Variants in TBCD observed in about 807,000 individuals in gnomAD.
TBCD encodes the protein tubulin folding cofactor D, also known as tubulin-specific chaperone D.
A neutral mutation model predicts 169.3 loss-of-function variants in TBCD; 105 were observed. That is an observed-to-expected ratio of 0.62 (90% CI 0.53 to 0.73). TBCD has a LOEUF of 0.73. Among genes scored for constraint, TBCD ranks in the 30% least tolerant of loss-of-function variants. The pLI is 0.00. For missense variants in TBCD, 1,444 were observed against 1,600.1 expected, an observed-to-expected ratio of 0.90 and a Z score of 1.66; for synonymous variants, 700 against 643.9, an observed-to-expected ratio of 1.09 and a Z score of -1.32.
rs2061497161 is a variant in TBCD at position 82,922,809 on chromosome 17, C to T, written c.2179-843C>T. 6.6e-6 allele frequency among the ~76,000 whole-genome samples: 1 copy of T among 152,310 alleles called. No homozygotes were observed. Among genetic ancestry groups the T allele is most frequent in the South Asian group, 2.1e-4 (1 of 4,820 alleles). ...TCTGTTGGCCTCGGCTCCTGGGCTT[C>T]GGGGGAGCGGTGGAAAGAACACGTG... is the stretch of plus-strand genomic sequence containing the variant. On this transcript the variant is annotated intron_variant, in intron 25 of 38. Coordinates refer to ENST00000355528, the MANE Select transcript of TBCD (RefSeq NM_005993.5). The surrounding 1 kb of genome is among the most constrained non-coding windows in gnomAD (Gnocchi z 4.1).
Position 82,929,478 on chromosome 17 carries a change from TG to T in TBCD, c.2972del (p.Gly991AlafsTer3). The T allele has an allele frequency of 6.2e-7, 1 of 1,608,702 alleles. No homozygotes were observed. ...YHVLLGLVVS[L>X]GGLTESTIRH... ...GTCCTGCTGGGGCTAGTCGTGTCCC[TG>T]GGCGGCTTGACGGAGTCGACGGTGA... is the stretch of plus-strand genomic sequence containing the variant. On this transcript the variant is annotated frameshift_variant, in exon 32 of 39. Coordinates refer to ENST00000355528, the MANE Select transcript of TBCD (RefSeq NM_005993.5). LOFTEE classifies it high-confidence loss of function.
In TBCD at chr17:82,768,620, G is replaced by A. The variant is rs1388347598; in HGVS notation, c.582+54G>A. On this transcript the variant is annotated intron_variant, in intron 5 of 38. Transcript: ENST00000355528. ...AATTAGTACTCACTTTCATGTTCAT[G>A]CTGTCTTGATGTTAGTGGTTTACTC... The A allele has an allele frequency of 3.1e-6, 5 of 1,590,794 alleles. No homozygotes were observed. The Admixed American group carries it at 8.5e-5, about 27-fold the overall frequency.
intron 15 of TBCD, chr17:82,886,414 A>T (rs2058709828): frequency 6.6e-6 from 1 of 151,922 alleles, no homozygotes; most frequent in Non-Finnish European, 1.5e-5. Flanking sequence ...CCGGCGGGGA[A>T]GGAATGGGCA....
At position 82,805,986 on chromosome 17, in the gene TBCD, C is replaced by T. The variant is rs752698607; in HGVS notation, c.1062C>T (p.Val354=). The change falls in exon 10 of 39, where the codon GTC becomes GTT. Residue 354 remains valine (V), a synonymous_variant. Coordinates refer to ENST00000355528, the MANE Select transcript of TBCD (RefSeq NM_005993.5). ...LTEDDDEDDD[V]PEGVERVIEQ... ...AAGATGACGACGAAGATGACGACGTCCCAGAGGGGGTGGAGCGTGTGATAG... is the reference window on the plus strand; with the variant it reads ...AAGATGACGACGAAGATGACGACGTTCCAGAGGGGGTGGAGCGTGTGATAG... 2 of 1,613,768 alleles carry T rather than the reference C, an allele frequency of 1.2e-6. No individual in the cohort carries two copies. The highest frequency in any genetic ancestry group is 1.7e-6 in the Non-Finnish European group (2 of 1,179,738).
rs1023378193 is a variant in TBCD, at chr17:82,937,616, A to T, written c.3281+256A>T. The T allele has an allele frequency of 5.1e-6, 3 of 593,650 alleles. No homozygotes were observed. The African/African-American group carries it at 5.7e-5, about 11-fold the overall frequency. The allele number at this position is 593,650 out of a possible 1,614,324, so 36.8% of individuals were successfully genotyped here. A position where few individuals can be genotyped will look rare whatever the true frequency, so the allele number is the denominator to read the frequency against. ...TCGCGCTCTGCCCTGGCGGGAGGGG[A>T]GGCTCCGGAAAGGAGCTGCGTGGTC... On this transcript the variant is annotated intron_variant, in intron 35 of 38. Coordinates refer to ENST00000355528, the MANE Select transcript of TBCD (RefSeq NM_005993.5).
At chr17:82,811,273 G>A (rs1158316701) in intron 12 of TBCD, among the ~76,000 whole-genome samples, 3 of 152,210 alleles carry the variant, frequency 2.0e-5, no homozygotes, top group Non-Finnish European at 4.4e-5. Context: ...TCCTCCAGCC[G>A]CTGGGCGGCC....
chr17:82,937,147 G>A, intron 34 of TBCD, 124 bp from the exon 35 acceptor site: 2 of 801,334 alleles, frequency 2.5e-6, no homozygotes, highest in Non-Finnish European at 4.1e-6. Context: ...AGGGGCCTCA[G>A]GGCTGCAGGC....
At chr17:82,932,607 G>C in intron 33 of TBCD, 51 bp from the exon 34 acceptor site, 3 of 1,501,276 alleles carry the variant, frequency 2.0e-6, no homozygotes, top group Non-Finnish European at 2.8e-6. Flanking sequence ...TCAGGGAGTT[G>C]GGCGTCCTTG....
intron 9 of TBCD, among the ~76,000 whole-genome samples, chr17:82,805,219 AG>A (rs1345331446): frequency 6.6e-6 from 1 of 152,130 alleles, no homozygotes; most frequent in African/African-American, 2.4e-5. Flanking sequence ...CATTTTATAG[AG>A]GGGGAAGTGG....
intron 5 of TBCD, 53 bp from the exon 6 acceptor site, chr17:82,772,399 C>T: frequency 7.5e-6 from 12 of 1,601,292 alleles, no homozygotes; most frequent in Non-Finnish European, 1.0e-5. Context: ...GTGGTGTCCC[C>T]AAGGCTGGCG....
chr17:82,924,778 A>G (rs898929615), intron 26 of TBCD, among the ~76,000 whole-genome samples, 161 bp from the exon 27 acceptor site: 7 of 152,140 alleles, frequency 4.6e-5, no homozygotes, highest in African/African-American at 1.7e-4. Context: ...TCTGATTCCT[A>G]TTTTGAGGTA....
intron 17 of TBCD, among the ~76,000 whole-genome samples, chr17:82,897,660 T>C (rs1280736617): frequency 6.6e-6 from 1 of 152,226 alleles, no homozygotes; most frequent in African/African-American, 2.4e-5. Context: ...TGACCACCAC[T>C]GTGGTCAGTG....
intron 36 of TBCD, chr17:82,939,050 G>A (rs1347371107): frequency 2.5e-6 from 1 of 404,070 alleles, no homozygotes; most frequent in Non-Finnish European, 4.5e-6. Flanking sequence ...GAGCAGGTTA[G>A]TTAATAGAGA....
At chr17:82,909,698 G>A (rs891901170) in intron 22 of TBCD, among the ~76,000 whole-genome samples, 2 of 150,194 alleles carry the variant, frequency 1.3e-5, no homozygotes, top group East Asian at 2.0e-4. Flanking sequence ...TGGGTTGAGC[G>A]GGTGTCACCC....
chr17:82,817,272 A>C (rs1381303520), intron 13 of TBCD, among the ~76,000 whole-genome samples: 1 of 152,054 alleles, frequency 6.6e-6, no homozygotes, highest in African/African-American at 2.4e-5. Flanking sequence ...TTGGGACTAC[A>C]GGGGTGCACC....
intron 13 of TBCD, chr17:82,830,848 G>A: frequency 1.2e-6 from 2 of 1,613,048 alleles, no homozygotes; most frequent in Non-Finnish European, 1.7e-6. Context: ...TCCGGTCGGA[G>A]CAGGAGGGTC....
At chr17:82,794,855 G>T (rs1403477056) in intron 7 of TBCD, among the ~76,000 whole-genome samples, 1 of 152,236 alleles carries the variant, frequency 6.6e-6, no homozygotes, top group Non-Finnish European at 1.5e-5. Context: ...GTGTAATTCA[G>T]CTGGAAACTG....
At chr17:82,823,919 AC>A (rs2052613867) in intron 13 of TBCD, among the ~76,000 whole-genome samples, 2 of 151,762 alleles carry the variant, frequency 1.3e-5, no homozygotes, top group Non-Finnish European at 2.9e-5. Flanking sequence ...TTAAGAAGTC[AC>A]TCGCCCCTGA....
intron 14 of TBCD, among the ~76,000 whole-genome samples, chr17:82,876,106 A>G (rs1268410239): frequency 1.3e-5 from 2 of 152,222 alleles, no homozygotes; most frequent in East Asian, 1.9e-4. Context: ...AAAATATTAT[A>G]TAAATAAGAA....
Sources: allele counts gnomAD v4.1 joint callset (sites outside exome capture counted in the v4.1 genomes callset), GRCh38; gene constraint gnomAD v4.1.1; non-coding constraint Gnocchi (gnomAD v3.1); transcripts MANE v1.5; gene names NCBI Gene and HGNC (gene_info 2026-07-23, HGNC 2026-07-21).